The following TCTA variants were observed in gnomAD, a reference collection of about 807,000 sequenced individuals.
TCTA encodes the protein T cell leukemia translocation altered, also known as T-cell leukemia translocation-altered gene protein.
In TCTA, 13 loss-of-function variants were observed where a neutral mutation model predicts 13.5. That is an observed-to-expected ratio of 0.96 (90% CI 0.63 to 1.53). The LOEUF is 1.53. Among genes scored for constraint, TCTA ranks in the 40% most tolerant of loss-of-function variants. The probability of loss-of-function intolerance (pLI) is 0.00; values close to 1 mark genes in which losing one functional copy is unlikely to be tolerated. For synonymous variants in TCTA, 58 were observed against 59.0 expected, an observed-to-expected ratio of 0.98 and a Z score of 0.08; for missense variants, 138 against 131.3, an observed-to-expected ratio of 1.05 and a Z score of -0.25.
intron 1 of TCTA, 51 bp downstream of exon 1, chr3:49,412,691 C>T: frequency 2.5e-6 from 4 of 1,590,946 alleles, no homozygotes; most frequent in Non-Finnish European, 3.4e-6. Context: ...CCCCCACCCT[C>T]TCCCGACTGT....
At chr3:49,413,634 AG>A (rs1201617000) in intron 2 of TCTA, among the ~76,000 whole-genome samples, 1 of 152,116 alleles carries the variant, frequency 6.6e-6, no homozygotes. Flanking sequence ...TGGTCAGGGA[AG>A]GCTTCTCCCA....
rs1164245369 is a variant in TCTA at position 49,412,600 on chromosome 3, G to T, written c.174G>T (p.Gly58=). Residue 58 remains glycine (G), a synonymous_variant, in exon 1 of 3, where the codon GGG becomes GGT. Transcript: ENST00000273590. ...LSLLGIQLAW[G]FYGNTVTGLY... is the part of the protein sequence containing the mutation. ...TCCTGGGCATCCAGCTGGCGTGGGG[G>T]TTCTACGGGAATACAGTGACCGGGT... The T allele has an allele frequency of 1.9e-6, 3 of 1,614,136 alleles. No individual in the cohort carries two copies. The highest frequency in any genetic ancestry group is 2.5e-6 in the Non-Finnish European group (3 of 1,180,056).
At chr3:49,412,765 A>C in intron 1 of TCTA, 125 bp downstream of exon 1, 1 of 1,166,216 alleles carries the variant, frequency 8.6e-7, no homozygotes, top group Admixed American at 2.4e-5. Flanking sequence ...TCACGGCCTT[A>C]CTACCCTGAA....
At chr3:49,413,508 G>C (rs1456423116) in intron 2 of TCTA, 6 of 170,118 alleles carry the variant, frequency 3.5e-5, no homozygotes, top group African/African-American at 1.4e-4. Flanking sequence ...GATAATCTCT[G>C]GGCCCCTATC....
Position 49,414,988 on chromosome 3 carries a change from T to G in TCTA, c.*126T>G, listed in dbSNP as rs1004754296. 5.9e-6 allele frequency: 7 copies of G among 1,177,330 alleles called. No homozygotes were observed. The highest frequency in any genetic ancestry group is 2.0e-5 in the Admixed American group (1 of 49,840). The allele number at this position is 1,177,330 out of a possible 1,614,324, so 72.9% of individuals were successfully genotyped here. On this transcript the variant is annotated 3_prime_UTR_variant, in exon 3 of 3. Transcript: ENST00000273590. ...AGGGTTGGTAGCAGGGAGTACCCAG[T>G]GCCTACAGGGCTGGGCCTCTTCTGC...
intron 2 of TCTA, among the ~76,000 whole-genome samples, chr3:49,413,894 G>A (rs2048979276): frequency 6.6e-6 from 1 of 152,180 alleles, no homozygotes; most frequent in African/African-American, 2.4e-5. Flanking sequence ...AGATAAAGGG[G>A]TCCAAGAGTT....
At position 49,413,076 on chromosome 3, in the gene TCTA, T is replaced by A; in HGVS notation, c.235T>A (p.Ser79Thr). The A allele has an allele frequency of 2.5e-6, 4 of 1,614,128 alleles. No homozygotes were observed. The highest frequency in any genetic ancestry group is 1.1e-5 in the South Asian group (1 of 91,082). ...TCCAGGTCTGGGTGGTCAGAATGGA[T>A]CCACGCCTGATGGCTCCACGCATTT... ...HRPGLGGQNG[S>T]TPDGSTHFPS... is the part of the protein sequence containing the mutation. Residue 79 changes from serine to threonine, a missense_variant, in exon 2 of 3, where the codon TCC (serine) becomes ACC (threonine). By Grantham distance (58) the Ser-to-Thr change is moderately conservative. Transcript: ENST00000273590.
intron 2 of TCTA, among the ~76,000 whole-genome samples, chr3:49,413,728 G>C (rs2048977700): frequency 6.6e-6 from 1 of 152,208 alleles, no homozygotes; most frequent in Non-Finnish European, 1.5e-5. Flanking sequence ...AAGGCTAAGA[G>C]GGAAGAATAC....
In TCTA at chr3:49,416,241, C is replaced by G. The variant is rs534241466; in HGVS notation, c.*1379C>G. 4 of 161,554 alleles carry G rather than the reference C, an allele frequency of 2.5e-5. No homozygotes were observed. The highest frequency in any genetic ancestry group is 7.2e-5 in the African/African-American group (3 of 41,644). 10.0% of individuals were successfully genotyped at this position (161,554 alleles called of 1,614,324 possible). The stretch of plus-strand genomic sequence containing the variant: ...CATACTTCTGTTTCCATCTGCTGGG[C>G]CACCAGCCACTTTAGTGACCCCTGC... On this transcript the variant is annotated 3_prime_UTR_variant, in exon 3 of 3. Coordinates refer to ENST00000273590, the MANE Select transcript of TCTA (RefSeq NM_022171.3).
At position 49,413,125 on chromosome 3, in the gene TCTA, C is replaced by G. The variant is rs1338575147; in HGVS notation, c.269+15C>G. ...TTCCCTTCGTGGTGAGTAAATCTGT[C>G]CATACCGCAACCCCATGCTTGGCAT... On this transcript the variant is annotated intron_variant, in intron 2 of 2. Coordinates refer to ENST00000273590, the MANE Select transcript of TCTA (RefSeq NM_022171.3). 1.2e-6 allele frequency: 2 copies of G among 1,614,110 alleles called. No individual in the cohort carries two copies. The highest frequency in any genetic ancestry group is 1.7e-6 in the Non-Finnish European group (2 of 1,179,944).
In TCTA at chr3:49,415,029, C is replaced by T. The variant is rs1012766302; in HGVS notation, c.*167C>T. On this transcript the variant is annotated 3_prime_UTR_variant, in exon 3 of 3. Coordinates refer to ENST00000273590, the MANE Select transcript of TCTA (RefSeq NM_022171.3). Reference sequence around the variant, plus strand: ...CCTCTTCTGCCTCTTAAGCCTGCTCCCTCACCCAGGCACTGGGCAAGTGAA... The same window carrying T: ...CCTCTTCTGCCTCTTAAGCCTGCTCTCTCACCCAGGCACTGGGCAAGTGAA... 3 of 725,056 alleles carry T rather than the reference C, an allele frequency of 4.1e-6. No individual in the cohort carries two copies. Among genetic ancestry groups the T allele is most frequent in the Admixed American group, 2.7e-5 (1 of 36,900 alleles). 44.9% of individuals were successfully genotyped at this position (725,056 alleles called of 1,614,324 possible).
chr3:49,412,988 C>T, intron 1 of TCTA, 68 bp from the exon 2 acceptor site: 1 of 1,539,860 alleles, frequency 6.5e-7, no homozygotes, highest in Admixed American at 1.7e-5. Flanking sequence ...TCTAACCTGA[C>T]CTGGGCTGAT....
intron 2 of TCTA, among the ~76,000 whole-genome samples, chr3:49,413,663 G>A (rs1038181416): frequency 3.3e-5 from 5 of 152,158 alleles, no homozygotes; most frequent in Admixed American, 1.3e-4. Context: ...CACCTAAGCC[G>A]AGATCAAATG....
intron 2 of TCTA, 109 bp from the exon 3 acceptor site, chr3:49,414,711 C>T (rs1035068305): frequency 4.4e-6 from 6 of 1,363,312 alleles, no homozygotes; most frequent in Admixed American, 1.9e-5. Context: ...GTTATGTGAC[C>T]TTACTGAGCC....
At chr3:49,413,313 GC>G (rs1398429209) in intron 2 of TCTA, 1 of 593,860 alleles carries the variant, frequency 1.7e-6, no homozygotes, top group East Asian at 2.8e-5. Context: ...CTGTTCAGCA[GC>G]CTGTAGGATA....
Position 49,415,819 on chromosome 3 carries a change from T to C in TCTA, c.*957T>C, listed in dbSNP as rs1486721035. The C allele has an allele frequency of 6.6e-6, 1 of 152,216 alleles. No individual in the cohort carries two copies. Among genetic ancestry groups the C allele is most frequent in the Non-Finnish European group, 1.5e-5 (1 of 68,062 alleles). 9.4% of individuals were successfully genotyped at this position (152,216 alleles called of 1,614,324 possible). A position where few individuals can be genotyped will look rare whatever the true frequency, so the allele number is the denominator to read the frequency against. On this transcript the variant is annotated 3_prime_UTR_variant, in exon 3 of 3. Transcript: ENST00000273590. ...GCAAAGGAAATTGTCATCTGCCAAC[T>C]GTCCTACTCATATTCCTCTCAGTCC...
chr3:49,414,812 A>C lies in TCTA; in HGVS notation c.270-8A>C. The C allele has an allele frequency of 6.2e-7, 1 of 1,613,850 alleles. No homozygotes were observed. The highest frequency in any genetic ancestry group is 8.5e-7 in the Non-Finnish European group (1 of 1,179,798). ...CCACTCTCTCTTCTCTCTCTCCATCACTTTCAGGGAAATGGCAGCAAACGA... is the reference window on the plus strand; with the variant it reads ...CCACTCTCTCTTCTCTCTCTCCATCCCTTTCAGGGAAATGGCAGCAAACGA... On this transcript the variant is annotated splice_polypyrimidine_tract_variant and splice_region_variant and intron_variant, in intron 2 of 2. Coordinates refer to ENST00000273590, the MANE Select transcript of TCTA (RefSeq NM_022171.3).
At chr3:49,412,674 GC>G in intron 1 of TCTA, 34 bp downstream of exon 1, 1 of 1,601,692 alleles carries the variant, frequency 6.2e-7, no homozygotes, top group Non-Finnish European at 8.5e-7. Context: ...TGGGCTGGCC[GC>G]CCCCGCCCCC....
intron 2 of TCTA, among the ~76,000 whole-genome samples, chr3:49,414,258 G>A (rs7620024): frequency 0.24 from 36,104 of 151,714 alleles, 4,593 homozygotes; most frequent in Middle Eastern, 0.29. Context: ...ATAACAGGCC[G>A]GGCATGGTGG....
Sources: allele counts gnomAD v4.1 joint callset (sites outside exome capture counted in the v4.1 genomes callset), GRCh38; gene constraint gnomAD v4.1.1; transcripts MANE v1.5; gene names NCBI Gene and HGNC (gene_info 2026-07-23, HGNC 2026-07-21).